The following COL28A1 variants were observed in gnomAD, a reference collection of about 807,000 sequenced individuals.
COL28A1 encodes collagen alpha-1(XXVIII) chain.
A neutral mutation model predicts 150.2 loss-of-function variants in COL28A1; 161 were observed. The ratio of observed to expected loss-of-function variants is 1.07; its 90% CI spans 0.94 to 1.22. COL28A1 has a LOEUF of 1.22. COL28A1 is among the 50% of genes most tolerant of loss of function. COL28A1 has a pLI of 0.00. For synonymous variants in COL28A1, 552 were observed against 469.7 expected, an observed-to-expected ratio of 1.18 and a Z score of -2.26; for missense variants, 1,617 against 1,388.3, an observed-to-expected ratio of 1.16 and a Z score of -2.62.
At chr7:7,387,135 A>G (rs1282498443) in intron 27 of COL28A1, among the ~76,000 whole-genome samples, 1 of 152,128 alleles carries the variant, frequency 6.6e-6, no homozygotes, top group Non-Finnish European at 1.5e-5. Context: ...TGTGGGGACC[A>G]TATGAATTTT....
chr7:7,454,490 A>AT (rs562821451), intron 16 of COL28A1, among the ~76,000 whole-genome samples: 3,285 of 151,898 alleles, frequency 0.022, 93 homozygotes, highest in African/African-American at 0.068. Context: ...CTACCTCGAA[A>AT]TTTTTTTTTC....
intron 18 of COL28A1, among the ~76,000 whole-genome samples, chr7:7,451,318 T>C (rs10263962): frequency 0.21 from 32,497 of 151,798 alleles, 4,842 homozygotes; most frequent in African/African-American, 0.42. Context: ...CTCCGCCTCC[T>C]GAGTTCAAGT....
chr7:7,500,993 T>C (rs1213169635), intron 11 of COL28A1, among the ~76,000 whole-genome samples: 1 of 152,238 alleles, frequency 6.6e-6, no homozygotes, highest in Admixed American at 6.5e-5. Flanking sequence ...GTAGGTCTTT[T>C]GTCCATTTGG....
chr7:7,415,159 CAG>C (rs1043949136), intron 27 of COL28A1, among the ~76,000 whole-genome samples: 2 of 152,194 alleles, frequency 1.3e-5, no homozygotes, highest in African/African-American at 4.8e-5. Context: ...GATAGAGAGA[CAG>C]AGTACAGTTC....
chr7:7,429,426 T>TCA (rs35580107), intron 25 of COL28A1, among the ~76,000 whole-genome samples: 1 of 119,308 alleles, frequency 8.4e-6, no homozygotes, highest in African/African-American at 3.1e-5. Flanking sequence ...TCTCTCTCTC[T>TCA]CACATACACA....
rs1416070006 is a variant in COL28A1 at position 7,517,841 on chromosome 7, T to C, written c.814-4A>G. 5.6e-6 allele frequency: 9 copies of C among 1,613,606 alleles called. No homozygotes were observed. The highest frequency in any genetic ancestry group is 6.8e-6 in the Non-Finnish European group (8 of 1,179,692). ...CTTCTCCTTTTTGAGCGTTGCCCTG[T>C]GACAAACAAAAAACAGTAAAAATTC... is the stretch of plus-strand genomic sequence containing the variant. On this transcript the variant is annotated splice_polypyrimidine_tract_variant and splice_region_variant and intron_variant, in intron 6 of 34. Coordinates refer to ENST00000399429, the MANE Select transcript of COL28A1 (RefSeq NM_001037763.3).
At chr7:7,498,441 A>T (rs535427886) in intron 11 of COL28A1, among the ~76,000 whole-genome samples, 2 of 152,236 alleles carry the variant, frequency 1.3e-5, no homozygotes, top group African/African-American at 4.8e-5. Flanking sequence ...TTTCTTCAAA[A>T]CTTACCCTTG....
the COL28A1 span, among the ~76,000 whole-genome samples, chr7:7,350,505 A>G: frequency 6.6e-6 from 1 of 152,112 alleles, no homozygotes. Context: ...TCTAATAGTA[A>G]AACACATAAT....
intron 25 of COL28A1, 84 bp downstream of exon 25, chr7:7,432,389 G>C: frequency 1.9e-6 from 2 of 1,057,342 alleles, no homozygotes; most frequent in Non-Finnish European, 2.9e-6. Flanking sequence ...TCTTCTAGCT[G>C]ATAAAAAATT....
At chr7:7,500,503 T>C (rs1360749066) in intron 11 of COL28A1, among the ~76,000 whole-genome samples, 1 of 152,134 alleles carries the variant, frequency 6.6e-6, no homozygotes, top group Admixed American at 6.5e-5. Context: ...ATGGTTCCTA[T>C]CTGAAAGAAG....
chr7:7,437,994 G>T (rs893433018), intron 21 of COL28A1, among the ~76,000 whole-genome samples: 4 of 152,020 alleles, frequency 2.6e-5, no homozygotes, highest in Non-Finnish European at 5.9e-5. Flanking sequence ...CAGCCTTTGG[G>T]AGGCCGAGGC....
At chr7:7,494,985 G>C (rs562932338) in intron 11 of COL28A1, among the ~76,000 whole-genome samples, 17 of 151,996 alleles carry the variant, frequency 1.1e-4, no homozygotes, top group African/African-American at 3.6e-4. Context: ...TTCTAGAGAC[G>C]GTCAGCAGCC....
chr7:7,472,182 T>C (rs985097970), intron 15 of COL28A1, among the ~76,000 whole-genome samples: 4 of 151,994 alleles, frequency 2.6e-5, no homozygotes, highest in Non-Finnish European at 4.4e-5. Context: ...AGCAATCAGA[T>C]AAGAGAAAGA....
intron 27 of COL28A1, among the ~76,000 whole-genome samples, chr7:7,389,859 T>A (rs920146584): frequency 1.3e-5 from 2 of 152,258 alleles, no homozygotes; most frequent in Non-Finnish European, 2.9e-5. Context: ...TCCTGAGACT[T>A]TGCTGAAGTT....
intron 25 of COL28A1, among the ~76,000 whole-genome samples, chr7:7,421,289 G>A (rs1784379738): frequency 6.6e-6 from 1 of 152,156 alleles, no homozygotes; most frequent in Non-Finnish European, 1.5e-5. Flanking sequence ...TCACTGCCAG[G>A]GGCCAGGGAC....
chr7:7,489,241 G>A (rs1393100060), intron 13 of COL28A1, 148 bp downstream of exon 13: 2 of 607,514 alleles, frequency 3.3e-6, no homozygotes, highest in Non-Finnish European at 5.9e-6. Flanking sequence ...CTGCATTCCA[G>A]CCTGGGTGAC....
intron 14 of COL28A1, among the ~76,000 whole-genome samples, chr7:7,476,704 T>G (rs1562777316): frequency 6.6e-6 from 1 of 152,226 alleles, no homozygotes. Flanking sequence ...ATTTTCTTTC[T>G]TATTATATTG....
chr7:7,431,703 C>T (rs1469575075), intron 25 of COL28A1: 12 of 442,792 alleles, frequency 2.7e-5, no homozygotes, highest in Non-Finnish European at 3.3e-5. Context: ...CTCTGATTTA[C>T]GGTTTTAAAA....
intron 27 of COL28A1, among the ~76,000 whole-genome samples, chr7:7,388,164 C>G (rs888268727): frequency 6.6e-6 from 1 of 151,802 alleles, no homozygotes; most frequent in African/African-American, 2.4e-5. Context: ...CCTCCCCTAG[C>G]CCCCCACCCC....
Sources: gnomAD v4.1 joint callset for allele counts (sites outside exome capture counted in the v4.1 genomes callset) on GRCh38, gnomAD v4.1.1 for gene constraint, MANE v1.5 for transcripts, NCBI Gene and HGNC (gene_info 2026-07-23, HGNC 2026-07-21) for gene names.